Variants in HOOK2 observed in about 807,000 individuals in gnomAD.
The protein encoded by HOOK2 is hook microtubule tethering protein 2.
A neutral mutation model predicts 111.9 loss-of-function variants in HOOK2; 108 were observed. That is an observed-to-expected ratio of 0.96 (90% CI 0.83 to 1.13). The LOEUF is 1.13. Ranked by LOEUF, HOOK2 falls within the 50% of genes most tolerant of loss-of-function variation. HOOK2 has a pLI of 0.00. For missense variants in HOOK2, 978 were observed against 951.3 expected (o/e 1.03, Z -0.37); for synonymous variants, 405 against 394.3 (o/e 1.03, Z -0.32).
rs192775586 is a variant in HOOK2 at position 12,772,575 on chromosome 19, T to C, written c.456+38A>G. 14 of 1,607,370 alleles carry C rather than the reference T, an allele frequency of 8.7e-6. No individual in the cohort carries two copies. The African/African-American group carries it at 1.6e-4, about 18-fold the overall frequency. On this transcript the variant is annotated intron_variant, in intron 6 of 22. Coordinates refer to ENST00000397668, the MANE Select transcript of HOOK2 (RefSeq NM_013312.3). ...TCTGCCCTAGAGATGTCCCCTCTCC[T>C]GACATTTTCCAATTGCACACTGAGT...
In HOOK2 at chr19:12,770,971, T is replaced by C. The variant is rs376209247; in HGVS notation, c.863A>G (p.Gln288Arg). 131 of 1,610,192 alleles carry C rather than the reference T, an allele frequency of 8.1e-5. 1 individual carries two copies. The East Asian group carries it at 1.5e-3, about 18-fold the overall frequency. The change falls in exon 10 of 23, where the codon CAG becomes CGG. Residue 288 changes from glutamine (Q) to arginine (R), a missense_variant. This residue lies in a region of HOOK2 where 388 missense variants were observed against 358.3 expected (regional missense o/e 1.08). Coordinates refer to ENST00000397668, the MANE Select transcript of HOOK2 (RefSeq NM_013312.3). Reference protein sequence around the residue: ...HRNQALTSLAQEAQALKDEMD... With the variant: ...HRNQALTSLAREAQALKDEMD... The stretch of plus-strand genomic sequence containing the variant: ...CTCATCCTTCAGGGCCTGTGCCTCC[T>C]GGGCCAGGCTAGTCAGCGCCTGGTT...
rs2145715638 is a variant in HOOK2 at position 12,763,218 on chromosome 19, G to A, written c.*64C>T. 1.3e-6 allele frequency: 2 copies of A among 1,569,102 alleles called. No homozygotes were observed. The highest frequency in any genetic ancestry group is 1.7e-6 in the Non-Finnish European group (2 of 1,151,386). On this transcript the variant is annotated 3_prime_UTR_variant, in exon 23 of 23. Transcript: ENST00000397668. ...GCACCTGGCTGAAGCCCAGTGCTGGGCGCCATGTGAGCTGGAGGAAGCCAG... is the reference window on the plus strand; with the variant it reads ...GCACCTGGCTGAAGCCCAGTGCTGGACGCCATGTGAGCTGGAGGAAGCCAG...
At chr19:12,775,360 G>C in intron 1 of HOOK2, 45 bp downstream of exon 1, 1 of 1,599,654 alleles carries the variant, frequency 6.3e-7, no homozygotes, top group Admixed American at 1.7e-5. Flanking sequence ...TCCCGGGCAA[G>C]AGGAGCGGGC....
Position 12,770,058 on chromosome 19 carries a change from C to A in HOOK2, c.927G>T (p.Gln309His). The part of the protein sequence containing the change: ...ELRQSSERAG[Q>H]LEATLTSCRR... ...GGCAACTGGTCAGCGTGGCCTCCAG[C>A]TGCCCAGCACGCTCCGAAGACTGCC... Residue 309 changes from glutamine (Q) to histidine (H), a missense_variant, in exon 11 of 23, where the codon CAG (glutamine) becomes CAT (histidine). Physicochemically the swap from Gln to His is conservative, Grantham distance 24. Around this residue, in one of 5 missense-constraint regions of HOOK2, gnomAD observed 388 missense variants for 358.3 expected, o/e 1.08. Transcript: ENST00000397668. The A allele has an allele frequency of 6.5e-7, 1 of 1,532,120 alleles. No individual in the cohort carries two copies. Among genetic ancestry groups the A allele is most frequent in the Non-Finnish European group, 8.8e-7 (1 of 1,142,488 alleles). The allele number at this position is 1,532,120 out of a possible 1,614,324, so 94.9% of individuals were successfully genotyped here.
In HOOK2 at chr19:12,769,920, C is replaced by G. The variant is rs771760986; in HGVS notation, c.1065G>C (p.Ala355=). Residue 355 remains alanine (A), a synonymous_variant, in exon 11 of 23, where the codon GCG becomes GCC. Transcript: ENST00000397668. ...TRQLEDELRR[A]GSLRAQLEAQ... Reference sequence around the variant, plus strand: ...CCTCCAGCTGGGCGCGCAGGGAGCCCGCTCGGCGTAGCTCATCCTCCAGTT... The same window carrying G: ...CCTCCAGCTGGGCGCGCAGGGAGCCGGCTCGGCGTAGCTCATCCTCCAGTT... 2.0e-6 allele frequency: 3 copies of G among 1,536,480 alleles called. No homozygotes were observed. The highest frequency in any genetic ancestry group is 2.6e-6 in the Non-Finnish European group (3 of 1,150,240).
chr19:12,764,159 C>CACCCACCA (rs1261485704), intron 20 of HOOK2, among the ~76,000 whole-genome samples: 1 of 151,560 alleles, frequency 6.6e-6, no homozygotes. Context: ...GGATTACAGG[C>CACCCACCA]GCATGTTACC....
chr19:12,778,108 G>A (rs1968560627), upstream of HOOK2, among the ~76,000 whole-genome samples: 1 of 151,994 alleles, frequency 6.6e-6, no homozygotes, highest in Admixed American at 6.6e-5. Context: ...GGGGTAATGT[G>A]CACTAATTAG....
Position 12,790,062 on chromosome 19 carries a change from C to T in HOOK2, n.42-15837G>A, listed in dbSNP as rs1968694048. 6.6e-6 allele frequency among the ~76,000 whole-genome samples: 1 copy of T among 152,212 alleles called. No homozygotes were observed. The highest frequency in any genetic ancestry group is 1.5e-5 in the Non-Finnish European group (1 of 68,012). ...CCCGCTCCTCGGCTGCGTCCCCCGCCGTCGGGCCAATGGAACACTCCCCAA... is the reference window on the plus strand; with the variant it reads ...CCCGCTCCTCGGCTGCGTCCCCCGCTGTCGGGCCAATGGAACACTCCCCAA... On this transcript the variant is annotated intron_variant and non_coding_transcript_variant, in intron 3 of 3. Coordinates refer to the HOOK2 transcript ENST00000589765. The surrounding 1 kb of genome is among the most constrained non-coding windows in gnomAD (Gnocchi z 7.2).
At chr19:12,779,575 C>T (rs1421201034), upstream of HOOK2, among the ~76,000 whole-genome samples, 1 of 152,120 alleles carries the variant, frequency 6.6e-6, no homozygotes, top group Non-Finnish European at 1.5e-5. Flanking sequence ...AGGATGGTCT[C>T]GACCTCCTGA....
rs1433812817 is a variant in HOOK2 at position 12,774,842 on chromosome 19, C to T, written c.101G>A (p.Gly34Asp). 1 of 1,614,010 alleles carries T rather than the reference C, an allele frequency of 6.2e-7. No homozygotes were observed. The highest frequency in any genetic ancestry group is 8.5e-7 in the Non-Finnish European group (1 of 1,180,022). Reference protein sequence around the residue: ...PCASPQDLSSGLAVAYVLNQI... With the variant: ...PCASPQDLSSDLAVAYVLNQI... ...GTTCAGCACATAGGCTACGGCAAGG[C>T]CGCTGCTCAGGTCCTGAGGGCTGGC... Residue 34 changes from glycine to aspartate, a missense_variant, in exon 2 of 23, where the codon GGC (glycine) becomes GAC (aspartate). Physicochemically the swap from Gly to Asp is moderately conservative, Grantham distance 94 (BLOSUM62 -1). This residue lies in a region of HOOK2 where 301 missense variants were observed against 286.1 expected (regional missense o/e 1.05). Transcript: ENST00000397668.
chr19:12,789,616 A>T (rs1968686204), intron 3 of HOOK2, among the ~76,000 whole-genome samples: 1 of 151,974 alleles, frequency 6.6e-6, no homozygotes, highest in Admixed American at 6.5e-5. Context: ...CCGCCGTTCC[A>T]GCCCGCCCAG....
At position 12,791,203 on chromosome 19, in the gene HOOK2, T is replaced by C. The variant is rs1253419372; in HGVS notation, n.42-16978A>G. On this transcript the variant is annotated intron_variant and non_coding_transcript_variant, in intron 3 of 3. Coordinates refer to the HOOK2 transcript ENST00000589765. The surrounding 1 kb of genome is among the most constrained non-coding windows in gnomAD (Gnocchi z 7.0). ...GTGGACTCCAGGGAAATCATCCTCC[T>C]CCCTGAAACCCCTCACTCATGTGCC... Among the ~76,000 whole-genome samples, 2 of 152,136 alleles carry C rather than the reference T, an allele frequency of 1.3e-5. No homozygotes were observed. The highest frequency in any genetic ancestry group is 2.9e-5 in the Non-Finnish European group (2 of 68,008).
At chr19:12,777,778 A>T (rs910048434), upstream of HOOK2, among the ~76,000 whole-genome samples, 3 of 152,256 alleles carry the variant, frequency 2.0e-5, no homozygotes, top group Non-Finnish European at 4.4e-5. Context: ...TAGGGGGAAG[A>T]CTGTGCGCCC....
At chr19:12,788,519 G>A (rs772794296) in intron 3 of HOOK2, among the ~76,000 whole-genome samples, 3 of 150,474 alleles carry the variant, frequency 2.0e-5, no homozygotes, top group Non-Finnish European at 4.4e-5. Context: ...CCTGCCCTGC[G>A]CCCCTGCCCC....
intron 11 of HOOK2, 69 bp downstream of exon 11, chr19:12,769,811 AG>A: frequency 1.6e-6 from 2 of 1,261,686 alleles, no homozygotes; most frequent in Non-Finnish European, 1.0e-6. Flanking sequence ...GGGTGGGCGG[AG>A]GGCTGGCCAA....
At chr19:12,768,748 T>C (rs1409886039) in intron 11 of HOOK2, among the ~76,000 whole-genome samples, 2 of 151,916 alleles carry the variant, frequency 1.3e-5, no homozygotes, top group African/African-American at 4.8e-5. Flanking sequence ...GCTGGGATTA[T>C]AGGCATGAGT....
chr19:12,765,514 A>G, intron 18 of HOOK2, 176 bp downstream of exon 18: 1 of 849,058 alleles, frequency 1.2e-6, no homozygotes. Flanking sequence ...TTGGGAGGCC[A>G]AAGCGGGTGG....
At position 12,772,765 on chromosome 19, in the gene HOOK2, C is replaced by A. The variant is rs1448516869; in HGVS notation, c.388+15G>T. On this transcript the variant is annotated intron_variant, in intron 5 of 22. Transcript: ENST00000397668. ...TCCTCAGGCCAGCCCTGGGGACCCC[C>A]TAAGCTCCCCATACCCTGCTTTTTC... is the stretch of plus-strand genomic sequence containing the variant. 4 of 1,613,666 alleles carry A rather than the reference C, an allele frequency of 2.5e-6. No homozygotes were observed. The highest frequency in any genetic ancestry group is 3.4e-6 in the Non-Finnish European group (4 of 1,179,712).
chr19:12,775,661 C>T, upstream of HOOK2: 1 of 434,560 alleles, frequency 2.3e-6, no homozygotes, highest in Non-Finnish European at 3.8e-6. Context: ...TGCCTCCAGC[C>T]CCGCCATCTT....
Sources: allele counts gnomAD v4.1 joint callset (sites outside exome capture counted in the v4.1 genomes callset), GRCh38; gene constraint gnomAD v4.1.1; regional missense constraint gnomAD v4.1.1; non-coding constraint Gnocchi (gnomAD v3.1); transcripts MANE v1.5; gene names NCBI Gene and HGNC (gene_info 2026-07-23, HGNC 2026-07-21).